PNPLA5: variants seen among roughly 807,000 people sequenced by gnomAD.
PNPLA5 encodes patatin like domain 5, triacylglycerol lipase.
Under a neutral mutation model 49.1 loss-of-function variants are expected in PNPLA5, and 44 were observed. That is an observed-to-expected ratio of 0.90 (90% confidence interval 0.70 to 1.15). The LOEUF (loss-of-function observed/expected upper bound fraction) is 1.15, where lower values mean the gene tolerates loss of function less well. PNPLA5 is among the 50% of genes most tolerant of loss of function. The pLI is 0.00. For synonymous variants in PNPLA5, 243 were observed against 244.4 expected (o/e 0.99, Z 0.06); for missense variants, 603 against 564.0 (o/e 1.07, Z -0.70).
At chr22:43,887,788 G>A in intron 4 of PNPLA5, 137 bp from the exon 5 acceptor site, 1 of 1,425,068 alleles carries the variant, frequency 7.0e-7, no homozygotes, top group South Asian at 1.4e-5. Flanking sequence ...CATTCAACAG[G>A]GCTCAGGGCA....
intron 7 of PNPLA5, among the ~76,000 whole-genome samples, chr22:43,883,874 T>C (rs1313466919): frequency 1.3e-5 from 2 of 148,884 alleles, no homozygotes; most frequent in African/African-American, 5.0e-5. Context: ...CCCAGAGAGG[T>C]CAAGAGACTC....
chr22:43,889,272 C>T lies in PNPLA5; in HGVS notation c.702+57G>A, dbSNP rs2049697215. ...GGGGTTAGGAGCACACAGAGTCTGA[C>T]TCACGGGGCCCTTGACCTTGGCCAA... is the stretch of plus-strand genomic sequence containing the variant. On this transcript the variant is annotated intron_variant, in intron 4 of 8. Coordinates refer to ENST00000216177, the MANE Select transcript of PNPLA5 (RefSeq NM_138814.4). 6 of 1,588,742 alleles carry T rather than the reference C, an allele frequency of 3.8e-6. No individual in the cohort carries two copies. In the Admixed American group the frequency reaches 1.0e-4, roughly 27 times the overall value.
In PNPLA5 at chr22:43,891,271, C is replaced by T. The variant is rs1307716850; in HGVS notation, c.217G>A (p.Gly73Ser). 1.3e-6 allele frequency: 2 copies of T among 1,557,900 alleles called. No homozygotes were observed. Among genetic ancestry groups the T allele is most frequent in the African/African-American group, 1.4e-5 (1 of 73,500 alleles). ...AGCCGCTCCAACTGCCCAACCATGC[C>T]CAGGAGGTGGGAGCAGCAGAAGTCT... is the stretch of plus-strand genomic sequence containing the variant. Reference protein sequence around the residue: ...SVDFCCSHLLGMVGQLERLSL... With the variant: ...SVDFCCSHLLSMVGQLERLSL... The change falls in exon 2 of 9, where the codon GGC (glycine) becomes AGC (serine). Residue 73 changes from glycine to serine, a missense_variant. Gly to Ser is a moderately conservative substitution (Grantham distance 56, BLOSUM62 0). Coordinates refer to ENST00000216177, the MANE Select transcript of PNPLA5 (RefSeq NM_138814.4).
chr22:43,886,247 C>T lies in PNPLA5; in HGVS notation c.949+56G>A, dbSNP rs1011345797. On this transcript the variant is annotated intron_variant, in intron 6 of 8. Transcript: ENST00000216177. ...TGCCTTCAAGGCAGGGTCCCTGAGC[C>T]CGGGCCCCTGAGTGCAGGGCCCTGG... The T allele has an allele frequency of 1.9e-6, 3 of 1,545,812 alleles. No homozygotes were observed. The African/African-American group carries it at 4.1e-5, about 21-fold the overall frequency.
intron 4 of PNPLA5, among the ~76,000 whole-genome samples, chr22:43,888,308 G>A (rs1273273138): frequency 1.3e-5 from 2 of 149,790 alleles, no homozygotes; most frequent in Non-Finnish European, 3.0e-5. Context: ...GACTTAGAAA[G>A]CACTACACAA....
At chr22:43,882,950 G>A (rs1159743352) in intron 7 of PNPLA5, among the ~76,000 whole-genome samples, 5 of 152,132 alleles carry the variant, frequency 3.3e-5, no homozygotes, top group Non-Finnish European at 7.3e-5. Context: ...CAAAGACCAC[G>A]CTCAGCTGGC....
At chr22:43,880,948 G>A (rs1384881851) in intron 8 of PNPLA5, 63 bp from the exon 9 acceptor site, 21 of 1,289,118 alleles carry the variant, frequency 1.6e-5, no homozygotes, top group African/African-American at 9.1e-5. Flanking sequence ...GTGAAACCAC[G>A]TGGGTGCAGG....
Position 43,884,322 on chromosome 22 carries a change from C to G in PNPLA5, c.973G>C (p.Asp325His). 6.3e-7 allele frequency: 1 copy of G among 1,592,474 alleles called. No individual in the cohort carries two copies. The highest frequency in any genetic ancestry group is 8.6e-7 in the Non-Finnish European group (1 of 1,169,188). ...CAGAAGCGGGCCCACCGGCTGGGATCCCTCGTACATGCTTTCTTCAGTGCT... is the reference window on the plus strand; with the variant it reads ...CAGAAGCGGGCCCACCGGCTGGGATGCCTCGTACATGCTTTCTTCAGTGCT... ...EAALKKACTR[D>H]PSRWARFWHS... The change falls in exon 7 of 9, where the codon GAT (aspartate) becomes CAT (histidine). Residue 325 changes from aspartate to histidine, a missense_variant. Coordinates refer to ENST00000216177, the MANE Select transcript of PNPLA5 (RefSeq NM_138814.4).
rs2049664070 is a variant in PNPLA5 at position 43,886,375 on chromosome 22, T to G, written c.877A>C (p.Asn293His). 2.5e-6 allele frequency: 4 copies of G among 1,614,166 alleles called. No individual in the cohort carries two copies. Among genetic ancestry groups the G allele is most frequent in the African/African-American group, 2.7e-5 (2 of 75,032 alleles). The change falls in exon 6 of 9, where the codon AAC becomes CAC. Residue 293 changes from asparagine to histidine, a missense_variant. By Grantham distance (68) the Asn-to-His change is moderately conservative (BLOSUM62 1). Transcript: ENST00000216177. ...ACTTGCACATGGGGCACTTTCCAGT[T>G]GAGAGACAGGCCCCCCTTCCAGCGT... ...DQRWKGGLSL[N>H]WKVPHVQVKD...
rs139512427 is a variant in PNPLA5 at position 43,886,488 on chromosome 22, C to A, written c.764G>T (p.Gly255Val). Residue 255 changes from glycine to valine, a missense_variant and splice_region_variant, in exon 6 of 9, where the codon GGA becomes GTA. Gly to Val is a moderately radical substitution (Grantham distance 109, BLOSUM62 -3). Transcript: ENST00000216177. ...LDALRFLERR[G>V]LTKEPVLWTL... ...CCATAGCACTGGTTCCTTGGTGAGTCCTGGGTCAGGGGAAGGGAGAGGATA... is the reference window on the plus strand; with the variant it reads ...CCATAGCACTGGTTCCTTGGTGAGTACTGGGTCAGGGGAAGGGAGAGGATA... The A allele has an allele frequency of 8.7e-5, 140 of 1,610,606 alleles. 1 individual carries two copies. The highest frequency in any genetic ancestry group is 2.3e-4 in the Admixed American group (14 of 59,658).
chr22:43,890,104 C>T, intron 2 of PNPLA5: 1 of 984,974 alleles, frequency 1.0e-6, no homozygotes, highest in Non-Finnish European at 1.2e-6. Flanking sequence ...AGGCCAGGTG[C>T]AGGCTCCTGA....
intron 4 of PNPLA5, among the ~76,000 whole-genome samples, chr22:43,888,935 A>G (rs9626043): frequency 0.15 from 22,250 of 152,194 alleles, 1,626 homozygotes; most frequent in South Asian, 0.21. Flanking sequence ...TGCTGCTTCC[A>G]GTCTGTGTGA....
rs776037425 is a variant in PNPLA5, at chr22:43,880,747, G to A, written c.*48C>T. On this transcript the variant is annotated 3_prime_UTR_variant, in exon 9 of 9. Coordinates refer to ENST00000216177, the MANE Select transcript of PNPLA5 (RefSeq NM_138814.4). ...GTGGGCACACAGGACAAAGGCCAGA[G>A]CAGGAATCAAGGGACACCAGTCACT... 5.4e-6 allele frequency: 7 copies of A among 1,287,994 alleles called. No homozygotes were observed. In the Admixed American group the frequency reaches 2.4e-4, roughly 45 times the overall value. The allele number at this position is 1,287,994 out of a possible 1,614,324, so 79.8% of individuals were successfully genotyped here.
Position 43,880,373 on chromosome 22 carries a change from G to A in PNPLA5, c.*422C>T, listed in dbSNP as rs918060077. On this transcript the variant is annotated 3_prime_UTR_variant, in exon 9 of 9. Coordinates refer to ENST00000216177, the MANE Select transcript of PNPLA5 (RefSeq NM_138814.4). ...CTGCAGGACTGAGAAAGTCTGGGGG[G>A]AGCACCCCCACCCCATCATCTCAGT... 2.5e-6 allele frequency: 1 copy of A among 398,560 alleles called. No individual in the cohort carries two copies. Among genetic ancestry groups the A allele is most frequent in the Non-Finnish European group, 4.4e-6 (1 of 226,150 alleles). 24.7% of individuals were successfully genotyped at this position (398,560 alleles called of 1,614,324 possible).
chr22:43,880,518 C>A lies in PNPLA5; in HGVS notation c.*277G>T, dbSNP rs530800163. The A allele has an allele frequency of 2.3e-5, 9 of 399,296 alleles. No homozygotes were observed. The highest frequency in any genetic ancestry group is 4.0e-5 in the Non-Finnish European group (9 of 227,020). 24.7% of individuals were successfully genotyped at this position (399,296 alleles called of 1,614,324 possible). A position where few individuals can be genotyped will look rare whatever the true frequency, so the allele number is the denominator to read the frequency against. ...TCCCCAGCAATGCTGCCCTCCTAGTCCCCCCGTGGAAATTCTGAAAGTAAG... is the reference window on the plus strand; with the variant it reads ...TCCCCAGCAATGCTGCCCTCCTAGTACCCCCGTGGAAATTCTGAAAGTAAG... On this transcript the variant is annotated 3_prime_UTR_variant, in exon 9 of 9. Coordinates refer to ENST00000216177, the MANE Select transcript of PNPLA5 (RefSeq NM_138814.4).
chr22:43,891,242 G>T lies in PNPLA5; in HGVS notation c.246C>A (p.Ser82Arg), dbSNP rs1380868085. The T allele has an allele frequency of 1.3e-6, 2 of 1,561,308 alleles. No homozygotes were observed. Among genetic ancestry groups the T allele is most frequent in the Admixed American group, 1.8e-5 (1 of 55,598 alleles). Residue 82 changes from serine (S) to arginine (R), a missense_variant, in exon 2 of 9, where the codon AGC becomes AGA. Transcript: ENST00000216177. ...LGMVGQLERL[S>R]LSILHPAYAP... ...CGTAGGCCGGGTGCAGGATGCTTAG[G>T]CTCAGCCGCTCCAACTGCCCAACCA...
intron 2 of PNPLA5, chr22:43,890,124 C>T (rs2049708310): frequency 1.0e-6 from 1 of 977,042 alleles, no homozygotes; most frequent in Non-Finnish European, 1.2e-6. Flanking sequence ...AGGAAGCCAG[C>T]CGGGGACCCC....
chr22:43,891,125 G>T lies in PNPLA5; in HGVS notation c.363C>A (p.Thr121=). The T allele has an allele frequency of 1.2e-6, 2 of 1,608,928 alleles. No homozygotes were observed. The change falls in exon 2 of 9, where the codon ACC becomes ACA. Residue 121 remains threonine (T), a synonymous_variant. Coordinates refer to ENST00000216177, the MANE Select transcript of PNPLA5 (RefSeq NM_138814.4). ...LASQRLGISL[T]RWPDGRNFLV... ...AGAAGTTGCGTCCGTCAGGCCAGCG[G>T]GTCAGCGAAATGCCCAGCCGCTGGG...
Position 43,884,233 on chromosome 22 carries a change from G to T in PNPLA5, c.1062C>A (p.Tyr354Ter). The change falls in exon 7 of 9, where the codon TAC (tyrosine) becomes TAA (stop). Residue 354 changes from tyrosine (Y) to a stop codon, truncating the protein, a stop_gained. Coordinates refer to ENST00000216177, the MANE Select transcript of PNPLA5 (RefSeq NM_138814.4). LOFTEE classifies it high-confidence loss of function. ...CTTACCTTCTGCTGCGGAAGTAGAT[G>T]TACTCGAAGGGCAGTGTGCAGGGTA... ...LLLPCTLPFE[Y>*]IYFRSRRLVV... is the part of the protein sequence containing the mutation. The T allele has an allele frequency of 6.4e-7, 1 of 1,569,276 alleles. No individual in the cohort carries two copies. Among genetic ancestry groups the T allele is most frequent in the Non-Finnish European group, 8.6e-7 (1 of 1,156,246 alleles).
Sources: gnomAD v4.1 joint callset for allele counts (sites outside exome capture counted in the v4.1 genomes callset) on GRCh38, gnomAD v4.1.1 for gene constraint, MANE v1.5 for transcripts, NCBI Gene and HGNC (gene_info 2026-07-23, HGNC 2026-07-21) for gene names.